Variants in KCNT2 observed in about 807,000 individuals in gnomAD.
KCNT2 encodes the protein potassium channel subfamily T member 2.
In KCNT2, 67 loss-of-function variants were observed where a neutral mutation model predicts 153.8. That is an observed-to-expected ratio of 0.44 (90% CI 0.36 to 0.53). The LOEUF (loss-of-function observed/expected upper bound fraction) is 0.53. Among genes scored for constraint, KCNT2 ranks in the 20% least tolerant of loss-of-function variants. The pLI, the probability that KCNT2 is intolerant of heterozygous loss-of-function variation, is 0.00. For missense variants in KCNT2, 975 were observed against 1,354.8 expected, an observed-to-expected ratio of 0.72 and a Z score of 4.40; for synonymous variants, 500 against 458.8, an observed-to-expected ratio of 1.09 and a Z score of -1.15.
At chr1:196,478,064 G>A (rs1678691250) in intron 5 of KCNT2, among the ~76,000 whole-genome samples, 1 of 152,100 alleles carries the variant, frequency 6.6e-6, no homozygotes, top group South Asian at 2.1e-4. Context: ...TTCTTGGTAC[G>A]ATTGTTTCTT....
chr1:196,280,759 T>A (rs1659016534), intron 25 of KCNT2, 101 bp downstream of exon 25: 2 of 1,166,110 alleles, frequency 1.7e-6, no homozygotes, highest in South Asian at 1.3e-5. Flanking sequence ...GCATTCTTTT[T>A]CACTTTCTCT....
chr1:196,494,755 T>C (rs1411230319), intron 1 of KCNT2, among the ~76,000 whole-genome samples: 1 of 152,168 alleles, frequency 6.6e-6, no homozygotes, highest in East Asian at 1.9e-4. Context: ...AATTCGTAAT[T>C]ATGAAGAGTT....
chr1:196,588,139 A>G (rs373754375), intron 1 of KCNT2, among the ~76,000 whole-genome samples: 3 of 152,128 alleles, frequency 2.0e-5, no homozygotes, highest in East Asian at 3.9e-4. Flanking sequence ...GAATATCTTA[A>G]ATCTTGCAGT....
chr1:196,364,522 T>C (rs1230168422), intron 14 of KCNT2, among the ~76,000 whole-genome samples: 3 of 152,160 alleles, frequency 2.0e-5, no homozygotes, highest in Non-Finnish European at 4.4e-5. Context: ...TTTGCAAAAT[T>C]ATTCAGCAAT....
At chr1:196,398,711 A>C in intron 12 of KCNT2, 40 bp from the exon 13 acceptor site, 1 of 1,042,388 alleles carries the variant, frequency 9.6e-7, no homozygotes. Context: ...CATAAGTTAC[A>C]ATGTTTATAA....
chr1:196,412,595 G>C (rs1672428080), intron 12 of KCNT2, among the ~76,000 whole-genome samples: 2 of 151,652 alleles, frequency 1.3e-5, no homozygotes, highest in Admixed American at 1.3e-4. Context: ...ATAGAATAGT[G>C]AGTGGTAAAT....
intron 8 of KCNT2, among the ~76,000 whole-genome samples, chr1:196,440,455 G>A (rs909304150): frequency 6.6e-6 from 1 of 151,868 alleles, no homozygotes; most frequent in African/African-American, 2.4e-5. Context: ...TAATTTTAAA[G>A]GATTTACCAA....
At chr1:196,386,307 A>T (rs932214366) in intron 13 of KCNT2, among the ~76,000 whole-genome samples, 5 of 152,308 alleles carry the variant, frequency 3.3e-5, no homozygotes, top group African/African-American at 9.6e-5. Flanking sequence ...CCTGACCCAC[A>T]GAAACTGAGA....
At chr1:196,404,081 A>G (rs778431336) in intron 12 of KCNT2, 48 of 825,104 alleles carry the variant, frequency 5.8e-5, no homozygotes, top group Non-Finnish European at 6.7e-5. Context: ...CCCTTTTCCC[A>G]AAAGAAAATA....
At chr1:196,544,026 A>C (rs1048943897) in intron 1 of KCNT2, among the ~76,000 whole-genome samples, 55 of 152,142 alleles carry the variant, frequency 3.6e-4, no homozygotes, top group Non-Finnish European at 5.9e-5. Context: ...ACTATAGTAC[A>C]TCTGCACCAT....
intron 26 of KCNT2, among the ~76,000 whole-genome samples, chr1:196,237,973 A>G (rs1436357033): frequency 6.6e-6 from 1 of 151,838 alleles, no homozygotes; most frequent in East Asian, 1.9e-4. Context: ...AATTTCTACA[A>G]CTGTTGTGCA....
At chr1:196,412,731 G>A (rs1275730218) in intron 12 of KCNT2, among the ~76,000 whole-genome samples, 1 of 151,510 alleles carries the variant, frequency 6.6e-6, no homozygotes, top group Non-Finnish European at 1.5e-5. Flanking sequence ...CACGAAAAAG[G>A]AAAAAGAAAA....
At chr1:196,245,165 T>C (rs980066793) in intron 26 of KCNT2, among the ~76,000 whole-genome samples, 28 of 152,208 alleles carry the variant, frequency 1.8e-4, no homozygotes, top group African/African-American at 6.5e-4. Flanking sequence ...TGAGTAGATA[T>C]GGCTGCAGTG....
intron 1 of KCNT2, among the ~76,000 whole-genome samples, chr1:196,511,025 A>G (rs1195788682): frequency 1.3e-5 from 2 of 152,060 alleles, no homozygotes; most frequent in African/African-American, 4.8e-5. Context: ...GCAATATAGT[A>G]GACCAGATGT....
chr1:196,258,700 A>T (rs1656733795), intron 25 of KCNT2: 1 of 622,188 alleles, frequency 1.6e-6, no homozygotes. Flanking sequence ...TAAATCAGGC[A>T]AAATAAATAC....
intron 13 of KCNT2, 111 bp from the exon 14 acceptor site, chr1:196,373,359 T>G: frequency 1.6e-6 from 1 of 618,452 alleles, no homozygotes; most frequent in Non-Finnish European, 2.9e-6. Flanking sequence ...TAAACATACT[T>G]GTTTTAGAGA....
chr1:196,437,904 T>TA (rs910777366), intron 8 of KCNT2, among the ~76,000 whole-genome samples: 6 of 151,494 alleles, frequency 4.0e-5, no homozygotes, highest in Admixed American at 1.3e-4. Context: ...CCCAGTCTGG[T>TA]AAAAAAAGAG....
At position 196,227,652 on chromosome 1, in the gene KCNT2, A is replaced by C. The variant is rs527797988; in HGVS notation, c.*572T>G. 1 of 152,526 alleles carries C rather than the reference A, an allele frequency of 6.6e-6. No homozygotes were observed. The highest frequency in any genetic ancestry group is 1.5e-5 in the Non-Finnish European group (1 of 67,950). The allele number at this position is 152,526 out of a possible 1,614,324, so 9.4% of individuals were successfully genotyped here. A position where few individuals can be genotyped will look rare whatever the true frequency, so the allele number is the denominator to read the frequency against. ...CAAATTCTAAGATAAATATTTTTAT[A>C]TCGTAAGGCAGAAAAAAAAGTTAAA... On this transcript the variant is annotated 3_prime_UTR_variant, in exon 28 of 28. Transcript: ENST00000294725.
At chr1:196,372,835 T>C (rs1279603884) in intron 14 of KCNT2, among the ~76,000 whole-genome samples, 1 of 151,908 alleles carries the variant, frequency 6.6e-6, no homozygotes, top group Non-Finnish European at 1.5e-5. Context: ...TATTCATCTT[T>C]AAAATAAAAA....
Sources: gnomAD v4.1 joint callset for allele counts (sites outside exome capture counted in the v4.1 genomes callset) on GRCh38, gnomAD v4.1.1 for gene constraint, MANE v1.5 for transcripts, NCBI Gene and HGNC (gene_info 2026-07-23, HGNC 2026-07-21) for gene names.